The following LRRC28 variants were observed in gnomAD, a reference collection of about 807,000 sequenced individuals.
LRRC28 encodes leucine rich repeat containing 28.
Under a neutral mutation model 45.7 loss-of-function variants are expected in LRRC28, and 39 were observed. The ratio of observed to expected loss-of-function variants is 0.85; its 90% CI spans 0.66 to 1.12. The LOEUF is 1.12. Among genes scored for constraint, LRRC28 ranks in the 50% most tolerant of loss-of-function variants. The pLI is 0.00. For missense variants in LRRC28, 435 were observed against 438.5 expected (o/e 0.99, Z 0.07); for synonymous variants, 206 against 178.8 (o/e 1.15, Z -1.22).
chr15:99,293,107 C>A (rs1444296896), intron 5 of LRRC28, among the ~76,000 whole-genome samples: 2 of 152,164 alleles, frequency 1.3e-5, no homozygotes, highest in African/African-American at 4.8e-5. Flanking sequence ...TCACAATATC[C>A]TCCCTTAACT....
chr15:99,317,446 T>C (rs898863634), intron 5 of LRRC28: 11 of 152,196 alleles, frequency 7.2e-5, no homozygotes, highest in Admixed American at 7.2e-4. Flanking sequence ...AATGTATTGT[T>C]TTTCCTAAAC....
intron 1 of LRRC28, among the ~76,000 whole-genome samples, chr15:99,252,825 T>C (rs2080884881): frequency 6.6e-6 from 1 of 152,214 alleles, no homozygotes; most frequent in Admixed American, 6.5e-5. Context: ...TAGGTAAACG[T>C]GTGCCATGGT....
intron 3 of LRRC28, among the ~76,000 whole-genome samples, chr15:99,278,522 A>G (rs1017850569): frequency 6.6e-6 from 1 of 152,244 alleles, no homozygotes; most frequent in East Asian, 1.9e-4. Context: ...CTGGGATTAC[A>G]GGCGTGAGCC....
At chr15:99,374,312 C>T (rs966456953) in intron 9 of LRRC28, among the ~76,000 whole-genome samples, 11 of 152,126 alleles carry the variant, frequency 7.2e-5, no homozygotes, top group African/African-American at 1.4e-4. Flanking sequence ...AATCATTAAA[C>T]GTTTTCCTAA....
At chr15:99,314,268 A>G (rs111536954) in intron 5 of LRRC28, among the ~76,000 whole-genome samples, 328 of 152,070 alleles carry the variant, frequency 2.2e-3, no homozygotes, top group African/African-American at 7.3e-3. Context: ...AACATGATGA[A>G]ACCCTGTCTC....
At chr15:99,261,124 G>T (rs1232498915) in intron 2 of LRRC28, among the ~76,000 whole-genome samples, 4 of 152,142 alleles carry the variant, frequency 2.6e-5, no homozygotes, top group Non-Finnish European at 5.9e-5. Flanking sequence ...TTTGTAGGAC[G>T]ATTGCATGAC....
At chr15:99,377,422 T>C (rs111916261) in intron 9 of LRRC28, among the ~76,000 whole-genome samples, 563 of 152,334 alleles carry the variant, frequency 3.7e-3, no homozygotes, top group African/African-American at 0.013. Flanking sequence ...GTTTGAGTTC[T>C]TTGTAGATTC....
intron 2 of LRRC28, chr15:99,258,697 A>G: frequency 4.2e-6 from 3 of 717,432 alleles, no homozygotes; most frequent in South Asian, 2.8e-5. Flanking sequence ...TCTGCAAATC[A>G]TTTTCAAAGG....
At chr15:99,287,678 T>C in intron 4 of LRRC28, 136 bp from the exon 5 acceptor site, 1 of 869,572 alleles carries the variant, frequency 1.1e-6, no homozygotes, top group East Asian at 2.7e-5. Flanking sequence ...TAGTTTGATC[T>C]GTGTTTTTAC....
At chr15:99,267,750 A>G (rs2081369345) in intron 2 of LRRC28, among the ~76,000 whole-genome samples, 1 of 152,238 alleles carries the variant, frequency 6.6e-6, no homozygotes, top group African/African-American at 2.4e-5. Context: ...TTTTGTTACA[A>G]CAGCTTCTTT....
In LRRC28 at chr15:99,386,170, C is replaced by CT; in HGVS notation, c.*70dup. 8.1e-7 allele frequency: 1 copy of CT among 1,242,056 alleles called. No individual in the cohort carries two copies. The highest frequency in any genetic ancestry group is 1.2e-6 in the Non-Finnish European group (1 of 840,756). 76.9% of individuals were successfully genotyped at this position (1,242,056 alleles called of 1,614,324 possible). ...GGGAATCCAGCCAGTCCAGCACACT[C>CT]TTCCATCCTGTCCTGTCCAATGCGG... On this transcript the variant is annotated 3_prime_UTR_variant, in exon 10 of 10. Transcript: ENST00000301981.
intron 3 of LRRC28, among the ~76,000 whole-genome samples, chr15:99,278,942 A>T (rs142874781): frequency 2.6e-5 from 4 of 152,202 alleles, no homozygotes; most frequent in African/African-American, 9.7e-5. Context: ...TTCTTGCTTG[A>T]TGTTGGCTAG....
chr15:99,314,716 T>C (rs1955534535), intron 5 of LRRC28, among the ~76,000 whole-genome samples: 1 of 152,214 alleles, frequency 6.6e-6, no homozygotes, highest in Non-Finnish European at 1.5e-5. Context: ...CTTACCCCCT[T>C]CACCTAACCT....
intron 5 of LRRC28, among the ~76,000 whole-genome samples, chr15:99,308,145 C>T (rs985833103): frequency 3.3e-5 from 5 of 152,160 alleles, no homozygotes; most frequent in Non-Finnish European, 4.4e-5. Flanking sequence ...CAGTGTCTCA[C>T]TCACTTTCTT....
chr15:99,297,763 A>G (rs2152236214), intron 5 of LRRC28, among the ~76,000 whole-genome samples: 1 of 151,968 alleles, frequency 6.6e-6, no homozygotes, highest in Admixed American at 6.5e-5. Context: ...AAATATTTTT[A>G]CTATAGATAA....
chr15:99,322,876 A>C (rs1955847323), intron 5 of LRRC28, among the ~76,000 whole-genome samples: 1 of 152,236 alleles, frequency 6.6e-6, no homozygotes, highest in South Asian at 2.1e-4. Flanking sequence ...CTAAGTTACT[A>C]TTCAACTTTG....
At chr15:99,288,601 C>T (rs1314750424) in intron 5 of LRRC28, among the ~76,000 whole-genome samples, 1 of 151,984 alleles carries the variant, frequency 6.6e-6, no homozygotes, top group Non-Finnish European at 1.5e-5. Context: ...AGGGTGGTTT[C>T]AATCTCCTGA....
At chr15:99,290,393 C>CTTTCCTTT (rs2082090809) in intron 5 of LRRC28, among the ~76,000 whole-genome samples, 3 of 151,914 alleles carry the variant, frequency 2.0e-5, no homozygotes, top group Non-Finnish European at 4.4e-5. Context: ...TGACACAATA[C>CTTTCCTTT]AGGAATATGG....
At chr15:99,268,504 A>G (rs1449780490) in intron 2 of LRRC28, among the ~76,000 whole-genome samples, 2 of 152,186 alleles carry the variant, frequency 1.3e-5, no homozygotes, top group Non-Finnish European at 2.9e-5. Context: ...ATGTTTCCAC[A>G]AGTTTAAATT....
Sources: allele counts gnomAD v4.1 joint callset (sites outside exome capture counted in the v4.1 genomes callset), GRCh38; gene constraint gnomAD v4.1.1; transcripts MANE v1.5; gene names NCBI Gene and HGNC (gene_info 2026-07-23, HGNC 2026-07-21).